PTPRN2: variants seen among roughly 807,000 people sequenced by gnomAD.
The protein encoded by PTPRN2 is protein tyrosine phosphatase receptor type N2.
PTPRN2 carries 74 observed loss-of-function variants against 118.8 expected under a neutral mutation model. The observed-to-expected ratio is 0.62, with a 90% CI of 0.52 to 0.76. The LOEUF is 0.76. Ranked by LOEUF, PTPRN2 falls within the 30% of genes least tolerant of loss-of-function variation. The pLI, the probability that PTPRN2 is intolerant of heterozygous loss-of-function variation, is 0.00. For synonymous variants in PTPRN2, 641 were observed against 608.0 expected (o/e 1.05, Z -0.80); for missense variants, 1,481 against 1,394.4 (o/e 1.06, Z -0.99).
At position 158,442,732 on chromosome 7, in the gene PTPRN2, G is replaced by A. The variant is rs551552190; in HGVS notation, c.163+47003C>T. ...GCACCACCCAGCCATGCAGCGTTCC[G>A]CCTGCTTCCTTTTCTCCTGTGTGCT... is the stretch of plus-strand genomic sequence containing the variant. On this transcript the variant is annotated intron_variant, in intron 2 of 22. Coordinates refer to ENST00000389418, the MANE Select transcript of PTPRN2 (RefSeq NM_002847.5). 3.4e-3 allele frequency among the ~76,000 whole-genome samples: 515 copies of A among 152,276 alleles called. 6 individuals carry two copies. The highest frequency in any genetic ancestry group is 0.011 in the African/African-American group (470 of 41,560).
intron 11 of PTPRN2, among the ~76,000 whole-genome samples, chr7:157,994,641 T>G (rs71544519): frequency 1.4e-5 from 1 of 72,432 alleles, no homozygotes; most frequent in Non-Finnish European, 2.7e-5. Context: ...ATCAACGCCG[T>G]GTCCCCAGCT....
At chr7:158,441,430 ATGGTGATGGCAGTGGTGGCAGTGG>A in intron 2 of PTPRN2, among the ~76,000 whole-genome samples, 1 of 140,342 alleles carries the variant, frequency 7.1e-6, no homozygotes, top group African/African-American at 2.8e-5. Flanking sequence ...GGTGATAGTG[ATGGTGATGGCAGTGGTGGCAGTGG>A]TGGTGATAGT....
chr7:157,830,233 C>T (rs909429591), intron 12 of PTPRN2, among the ~76,000 whole-genome samples: 1 of 152,120 alleles, frequency 6.6e-6, no homozygotes, highest in East Asian at 1.9e-4. Flanking sequence ...CAGTCCTCAT[C>T]CTCAGACTCA....
rs542147859 is a variant in PTPRN2 at position 158,505,987 on chromosome 7, C to T, written c.113-16202G>A. On this transcript the variant is annotated intron_variant, in intron 1 of 22. Transcript: ENST00000389418. ...AGCAGGAAGCACAGAGCCCACCGCG[C>T]GTCCTCACATGTGATGGCCGAGGGG... is the stretch of plus-strand genomic sequence containing the variant. Among the ~76,000 whole-genome samples the T allele has an allele frequency of 2.8e-4, 42 of 152,328 alleles. 1 individual carries two copies. In the South Asian group the frequency reaches 4.8e-3, roughly 17 times the overall value.
chr7:157,826,891 C>T (rs1807211423), intron 12 of PTPRN2, among the ~76,000 whole-genome samples: 1 of 152,158 alleles, frequency 6.6e-6, no homozygotes, highest in African/African-American at 2.4e-5. Flanking sequence ...GCAGCGAATT[C>T]ATCTGCCCAG....
At chr7:158,381,378 C>T (rs551667679) in intron 2 of PTPRN2, among the ~76,000 whole-genome samples, 1 of 152,294 alleles carries the variant, frequency 6.6e-6, no homozygotes, top group East Asian at 1.9e-4. Flanking sequence ...CAAAGTTCCA[C>T]AAATGTCTAG....
intron 5 of PTPRN2, among the ~76,000 whole-genome samples, chr7:158,171,264 C>G (rs1306315856): frequency 3.9e-5 from 3 of 76,558 alleles, no homozygotes; most frequent in Non-Finnish European, 7.5e-5. Context: ...CATATATATA[C>G]ACACATATAT....
chr7:158,315,954 G>C (rs1425235825), intron 3 of PTPRN2, among the ~76,000 whole-genome samples: 1 of 152,300 alleles, frequency 6.6e-6, no homozygotes, highest in East Asian at 1.9e-4. Flanking sequence ...TGAACAAGGT[G>C]GTCGCGGTGG....
At chr7:158,245,948 CCTA>C (rs1371420910) in intron 3 of PTPRN2, among the ~76,000 whole-genome samples, 2 of 151,964 alleles carry the variant, frequency 1.3e-5, no homozygotes, top group East Asian at 3.9e-4. Context: ...CTGCTCTTAC[CCTA>C]CTAACTTTCA....
chr7:158,241,418 G>A (rs6968086), intron 3 of PTPRN2, among the ~76,000 whole-genome samples: 1 of 151,876 alleles, frequency 6.6e-6, no homozygotes, highest in African/African-American at 2.4e-5. Flanking sequence ...GGAGGTTGAG[G>A]CAGGAGAATG....
At chr7:158,407,137 CGTCCTGCGTCCT>C (rs1813526932) in intron 2 of PTPRN2, among the ~76,000 whole-genome samples, 3 of 114,662 alleles carry the variant, frequency 2.6e-5, no homozygotes, top group Non-Finnish European at 3.6e-5. Flanking sequence ...CTGGGTCCTG[CGTCCTGCGTCCT>C]GGGTCCTGGG....
chr7:158,378,991 C>G (rs757562607), intron 2 of PTPRN2, among the ~76,000 whole-genome samples: 1 of 152,190 alleles, frequency 6.6e-6, no homozygotes, highest in African/African-American at 2.4e-5. Flanking sequence ...TGCATCTGCA[C>G]GCACTCCTGT....
intron 6 of PTPRN2, among the ~76,000 whole-genome samples, chr7:158,149,339 A>G (rs948524448): frequency 6.6e-6 from 1 of 152,188 alleles, no homozygotes; most frequent in African/African-American, 2.4e-5. Context: ...TAACCCCTGG[A>G]AATTAACAAC....
rs185373439 is a variant in PTPRN2 at position 157,613,959 on chromosome 7, C to A, written c.2344+7403G>T. On this transcript the variant is annotated intron_variant, in intron 15 of 22. Coordinates refer to ENST00000389418, the MANE Select transcript of PTPRN2 (RefSeq NM_002847.5). ...ATGGCCAGGGGCGACCCTCCCGTCA[C>A]AACTGTGACTCTGTGAGCTCACAGG... The A allele has an allele frequency of 3.7e-4, 173 of 466,530 alleles. 2 individuals are homozygous for A. In the Admixed American group the frequency reaches 4.0e-3, roughly 11 times the overall value. 28.9% of individuals were successfully genotyped at this position (466,530 alleles called of 1,614,324 possible). A position where few individuals can be genotyped will look rare whatever the true frequency, so the allele number is the denominator to read the frequency against.
rs190156896 is a variant in PTPRN2, at chr7:158,055,287, C to A, written c.1723+26011G>T. ...AGCCTTCTGTTATGCCCAGACAGGG[C>A]CACCAGAGGGCTCCTTGGTCTAGCG... On this transcript the variant is annotated intron_variant, in intron 11 of 22. Coordinates refer to ENST00000389418, the MANE Select transcript of PTPRN2 (RefSeq NM_002847.5). Among the ~76,000 whole-genome samples the A allele has an allele frequency of 5.6e-3, 854 of 152,284 alleles. 7 individuals carry two copies. Among genetic ancestry groups the A allele is most frequent in the African/African-American group, 0.02 (815 of 41,546 alleles).
intron 3 of PTPRN2, among the ~76,000 whole-genome samples, chr7:158,267,269 G>C (rs1229598093): frequency 6.6e-6 from 1 of 152,210 alleles, no homozygotes; most frequent in African/African-American, 2.4e-5. Flanking sequence ...ATGGGTGCTG[G>C]GTGCTGGAGT....
At chr7:158,337,539 G>A (rs1186591335) in intron 2 of PTPRN2, among the ~76,000 whole-genome samples, 105 of 137,398 alleles carry the variant, frequency 7.6e-4, no homozygotes, top group Middle Eastern at 3.6e-3. Flanking sequence ...GACACCTGCA[G>A]ACGTCATTCA....
chr7:157,919,272 AAC>A (rs1245850720), intron 11 of PTPRN2, among the ~76,000 whole-genome samples: 2 of 152,236 alleles, frequency 1.3e-5, no homozygotes, highest in East Asian at 1.9e-4. Flanking sequence ...GAAATTAATA[AAC>A]ACAGAAAACA....
intron 2 of PTPRN2, among the ~76,000 whole-genome samples, chr7:158,337,215 C>A (rs1410540308): frequency 6.6e-6 from 1 of 152,178 alleles, no homozygotes; most frequent in African/African-American, 2.4e-5. Context: ...GTGACACTTG[C>A]AGACGTCACT....
Sources: allele counts gnomAD v4.1 joint callset (sites outside exome capture counted in the v4.1 genomes callset), GRCh38; gene constraint gnomAD v4.1.1; transcripts MANE v1.5; gene names NCBI Gene and HGNC (gene_info 2026-07-23, HGNC 2026-07-21).